CEP76: variants seen among roughly 807,000 people sequenced by gnomAD.
CEP76 encodes the protein centrosomal protein of 76 kDa.
A neutral mutation model predicts 83.3 loss-of-function variants in CEP76; 55 were observed. That is an observed-to-expected ratio of 0.66 (90% CI 0.53 to 0.83). CEP76 has a LOEUF of 0.83. CEP76 is among the 40% of genes least tolerant of loss of function. The probability of loss-of-function intolerance (pLI) is 0.00; values close to 1 mark genes in which losing one functional copy is unlikely to be tolerated. For missense variants in CEP76, 694 were observed against 799.5 expected (o/e 0.87, Z 1.59); for synonymous variants, 270 against 274.5 (o/e 0.98, Z 0.16).
At chr18:12,684,017 TATC>T (rs1278302147) in intron 8 of CEP76, among the ~76,000 whole-genome samples, 7 of 150,560 alleles carry the variant, frequency 4.6e-5, no homozygotes, top group Non-Finnish European at 7.4e-5. Flanking sequence ...ATATATATGA[TATC>T]ATATATATAT....
chr18:12,671,271 G>A (rs376258217), downstream of CEP76: 3 of 152,050 alleles, frequency 2.0e-5, no homozygotes, highest in Non-Finnish European at 1.5e-5. Context: ...GACACTTTTA[G>A]ATTTTAATTT....
chr18:12,672,443 T>G (rs897187859), downstream of CEP76, among the ~76,000 whole-genome samples: 1 of 152,140 alleles, frequency 6.6e-6, no homozygotes, highest in Non-Finnish European at 1.5e-5. Context: ...CGTGCTCAAT[T>G]TTAAAACAAA....
rs758646330 is a variant in CEP76, at chr18:12,702,562, GTCTCCCCGCCGCT to G, written c.-27_-15del. The stretch of plus-strand genomic sequence containing the variant: ...AGGCAGCGACATGCTGGCAGCCGGC[GTCTCCCCGCCGCT>G]TCTCCCCGCCTCAGATGCCCTAACT... On this transcript the variant is annotated 5_prime_UTR_variant, in exon 1 of 12. Coordinates refer to ENST00000262127, the MANE Select transcript of CEP76 (RefSeq NM_024899.4). 2.8e-5 allele frequency: 43 copies of G among 1,560,064 alleles called. No individual in the cohort carries two copies. The Middle Eastern group carries it at 5.2e-4, about 19-fold the overall frequency.
At chr18:12,686,932 C>T (rs996173964) in intron 7 of CEP76, among the ~76,000 whole-genome samples, 1 of 152,136 alleles carries the variant, frequency 6.6e-6, no homozygotes, top group Non-Finnish European at 1.5e-5. Context: ...TAGAGATCCA[C>T]AGGAAACAAT....
At chr18:12,686,733 C>A in intron 7 of CEP76, 1 of 260,634 alleles carries the variant, frequency 3.8e-6, no homozygotes, top group Non-Finnish European at 7.4e-6. Context: ...GCAATAAGAA[C>A]TCCTCTGAGA....
At chr18:12,699,484 C>T (rs557194381) in intron 3 of CEP76, among the ~76,000 whole-genome samples, 2 of 152,308 alleles carry the variant, frequency 1.3e-5, no homozygotes, top group South Asian at 4.1e-4. Flanking sequence ...TGCTTTTTAA[C>T]TGCTTATCCA....
chr18:12,684,722 A>T (rs1175789619), intron 8 of CEP76: 1 of 151,736 alleles, frequency 6.6e-6, no homozygotes, highest in Admixed American at 6.6e-5. Context: ...ACCACAGGTG[A>T]TCCACCCTCC....
At chr18:12,668,597 CAAAA>C (rs752216074), downstream of CEP76, among the ~76,000 whole-genome samples, 26 of 72,818 alleles carry the variant, frequency 3.6e-4, no homozygotes, top group South Asian at 1.5e-3. Flanking sequence ...GATTCCATCT[CAAAA>C]AAAAAAAAAA....
chr18:12,692,428 T>C (rs968534458), intron 6 of CEP76: 2 of 152,164 alleles, frequency 1.3e-5, no homozygotes, highest in Non-Finnish European at 2.9e-5. Context: ...CATTTTCTCC[T>C]CTCTCCCCAA....
rs79615555 is a variant in CEP76, at chr18:12,698,984, C to T, written c.515G>A (p.Ser172Asn). Residue 172 changes from serine to asparagine, a missense_variant, in exon 4 of 12, where the codon AGC becomes AAC. Physicochemically the swap from Ser to Asn is conservative, Grantham distance 46. Transcript: ENST00000262127. ...DGFLLEVHRE[S>N]LGDGTRMADS... ...AATTTATTACTGTTTCTTACCCAAG[C>T]TTTCTCTGTGTACTTCAAGTAAAAA... 9,902 of 1,602,340 alleles carry T rather than the reference C, an allele frequency of 6.2e-3. 504 individuals are homozygous for T. The Admixed American group carries it at 0.094, about 15-fold the overall frequency.
chr18:12,702,450 G>C (rs776666703), intron 1 of CEP76, 36 bp downstream of exon 1: 2 of 1,513,938 alleles, frequency 1.3e-6, no homozygotes, highest in Admixed American at 1.7e-5. Flanking sequence ...GTTATGGGTC[G>C]GCCCGGCGGT....
At chr18:12,687,461 T>TG (rs2039579961) in intron 7 of CEP76, among the ~76,000 whole-genome samples, 1 of 151,450 alleles carries the variant, frequency 6.6e-6, no homozygotes, top group Non-Finnish European at 1.5e-5. Context: ...TCAATTTTTT[T>TG]TTTTTTTTTT....
chr18:12,685,202 G>A (rs552049301), intron 8 of CEP76: 1 of 151,906 alleles, frequency 6.6e-6, no homozygotes, highest in Non-Finnish European at 1.5e-5. Context: ...GTTTCTCCAC[G>A]TTGGTCAGAC....
At chr18:12,668,597 C>CAAAAAAAA (rs752216074), downstream of CEP76, among the ~76,000 whole-genome samples, 252 of 72,756 alleles carry the variant, frequency 3.5e-3, 3 homozygotes, top group Middle Eastern at 9.8e-3. Context: ...GATTCCATCT[C>CAAAAAAAA]AAAAAAAAAA....
intron 8 of CEP76, among the ~76,000 whole-genome samples, chr18:12,683,812 T>C (rs1010420740): frequency 6.6e-6 from 1 of 151,600 alleles, no homozygotes; most frequent in Admixed American, 6.6e-5. Flanking sequence ...GTTCATAGCA[T>C]AATGCTTAAT....
chr18:12,697,185 C>A, intron 5 of CEP76, 38 bp downstream of exon 5: 1 of 1,300,796 alleles, frequency 7.7e-7, no homozygotes, highest in South Asian at 1.5e-5. Flanking sequence ...TGAACTGTGG[C>A]TATAAAAAGG....
At chr18:12,694,961 C>A (rs886741628) in intron 6 of CEP76, among the ~76,000 whole-genome samples, 2 of 151,958 alleles carry the variant, frequency 1.3e-5, no homozygotes, top group Non-Finnish European at 2.9e-5. Flanking sequence ...GTGATCCGCC[C>A]GCCTCGGCCT....
chr18:12,662,194 A>G, intron 12 of CEP76: 1 of 444,358 alleles, frequency 2.3e-6, no homozygotes, highest in South Asian at 1.6e-5. Context: ...CAGAAAGGAA[A>G]AAAAAAAAAC....
upstream of CEP76, chr18:12,702,772 A>T (rs1277645460): frequency 1.7e-6 from 1 of 583,416 alleles, no homozygotes; most frequent in Admixed American, 3.3e-5. Context: ...GTGGCGGACA[A>T]ACAGGGCTTG....
Sources: gnomAD v4.1 joint callset for allele counts (sites outside exome capture counted in the v4.1 genomes callset) on GRCh38, gnomAD v4.1.1 for gene constraint, MANE v1.5 for transcripts, NCBI Gene and HGNC (gene_info 2026-07-23, HGNC 2026-07-21) for gene names.